Variants in FAXDC2 observed in about 807,000 individuals in gnomAD.
FAXDC2 encodes fatty acid hydroxylase domain-containing protein 2.
FAXDC2 carries 41 observed loss-of-function variants against 40.9 expected under a neutral mutation model. The observed-to-expected ratio is 1.00, with a 90% CI of 0.78 to 1.30. FAXDC2 has a LOEUF of 1.30. Ranked by LOEUF, FAXDC2 falls within the 50% of genes most tolerant of loss-of-function variation. The pLI is 0.00. For missense variants in FAXDC2, 390 were observed against 408.8 expected (o/e 0.95, Z 0.40); for synonymous variants, 157 against 149.3 (o/e 1.05, Z -0.38).
intron 1 of FAXDC2, among the ~76,000 whole-genome samples, chr5:154,847,325 A>G (rs1222416098): frequency 6.6e-6 from 1 of 152,148 alleles, no homozygotes; most frequent in Non-Finnish European, 1.5e-5. Flanking sequence ...CCCAATCTAG[A>G]TAAATGACAC....
rs866360288 is a variant in FAXDC2 at position 154,823,497 on chromosome 5, G to A, written c.462C>T (p.Leu154=). 13 of 1,614,054 alleles carry A rather than the reference G, an allele frequency of 8.1e-6. No homozygotes were observed. The highest frequency in any genetic ancestry group is 9.3e-6 in the Non-Finnish European group (11 of 1,180,006). The change falls in exon 6 of 9, where the codon CTC becomes CTT. Residue 154 remains leucine, a synonymous_variant. Transcript: ENST00000326080. ...FPMVVFLYPF[L]KWWRDPCRRE... ...GGCGGCAGGGGTCTCTCCACCATTT[G>A]AGGAAGGGATAGAGGAAGACCACCA...
At chr5:154,824,902 A>G (rs1034037326) in intron 5 of FAXDC2, among the ~76,000 whole-genome samples, 1 of 151,772 alleles carries the variant, frequency 6.6e-6, no homozygotes, top group Admixed American at 6.6e-5. Flanking sequence ...CAGCCTTGGC[A>G]ACATCACGAA....
rs773140587 is a variant in FAXDC2, at chr5:154,820,358, C to T, written c.960G>A (p.Pro320=). Residue 320 remains proline, a synonymous_variant, in exon 9 of 9, where the codon CCG becomes CCA. Coordinates refer to ENST00000326080, the MANE Select transcript of FAXDC2 (RefSeq NM_032385.5). ...ERHVLLLGFT[P]LSESIPDSPK... is the part of the protein sequence containing the mutation. ...GGGAGTCTGGGATGCTCTCAGAGAG[C>T]GGGGTGAAGCCCAGCAGGAGGACAT... The T allele has an allele frequency of 1.1e-5, 17 of 1,613,028 alleles. No individual in the cohort carries two copies. Among genetic ancestry groups the T allele is most frequent in the Middle Eastern group, 1.7e-4 (1 of 6,058 alleles).
intron 5 of FAXDC2, among the ~76,000 whole-genome samples, chr5:154,828,499 T>C (rs998712780): frequency 3.9e-5 from 6 of 151,924 alleles, no homozygotes; most frequent in Non-Finnish European, 8.8e-5. Context: ...AGTTCACCTG[T>C]GGTGTCAGGT....
At chr5:154,827,927 G>C (rs1760084094) in intron 5 of FAXDC2, among the ~76,000 whole-genome samples, 1 of 151,422 alleles carries the variant, frequency 6.6e-6, no homozygotes, top group South Asian at 2.1e-4. Context: ...ATAGCTCACT[G>C]TAACCTCGAC....
At position 154,822,467 on chromosome 5, in the gene FAXDC2, C is replaced by T. The variant is rs775044293; in HGVS notation, c.678+5G>A. 7.5e-6 allele frequency: 12 copies of T among 1,599,932 alleles called. 2 individuals carry two copies. The South Asian group carries it at 1.2e-4, about 16-fold the overall frequency. ...TTGCTCTGGGGAGCATAGAGCTCTACTCACTGCATGCTCTATAGGGTGGGC... is the reference window on the plus strand; with the variant it reads ...TTGCTCTGGGGAGCATAGAGCTCTATTCACTGCATGCTCTATAGGGTGGGC... On this transcript the variant is annotated splice_donor_5th_base_variant and intron_variant, in intron 7 of 8. Transcript: ENST00000326080.
chr5:154,848,096 C>A (rs572622267), intron 1 of FAXDC2, among the ~76,000 whole-genome samples: 17 of 152,352 alleles, frequency 1.1e-4, no homozygotes, highest in Middle Eastern at 6.8e-3. Context: ...GCCTCGGCCT[C>A]CCAATGTGCT....
At chr5:154,838,849 G>C (rs184513257) in intron 1 of FAXDC2, 1 of 152,120 alleles carries the variant, frequency 6.6e-6, no homozygotes, top group Non-Finnish European at 1.5e-5. Flanking sequence ...CGCCAGCCTC[G>C]GCCTCCCAAA....
Position 154,821,251 on chromosome 5 carries a change from G to A in FAXDC2, c.845+9C>T, listed in dbSNP as rs770270682. 6.2e-7 allele frequency: 1 copy of A among 1,610,018 alleles called. No homozygotes were observed. On this transcript the variant is annotated intron_variant, in intron 8 of 8. Transcript: ENST00000326080. ...GCCTAGGGACCCATTGTGGGGAGAA[G>A]GTCCTTACTTGAGATGGTGGTAGTC...
chr5:154,824,515 C>T, intron 5 of FAXDC2: 1 of 702,572 alleles, frequency 1.4e-6, no homozygotes, highest in Non-Finnish European at 2.6e-6. Flanking sequence ...AGAATTCACT[C>T]TTTGTTTACT....
At chr5:154,834,788 T>TAGG in intron 3 of FAXDC2, 55 bp downstream of exon 3, 1 of 1,591,284 alleles carries the variant, frequency 6.3e-7, no homozygotes, top group South Asian at 1.1e-5. Context: ...CCTTCCCCTA[T>TAGG]GCTCTGCCCC....
intron 1 of FAXDC2, 154 bp from the exon 2 acceptor site, chr5:154,838,332 T>A (rs1760403386): frequency 5.6e-6 from 1 of 178,278 alleles, no homozygotes; most frequent in Non-Finnish European, 1.1e-5. Flanking sequence ...CAAATTGATT[T>A]GAAAACTTAA....
In FAXDC2 at chr5:154,820,342, G is replaced by C. The variant is rs2113114845; in HGVS notation, c.976C>G (p.Pro326Ala). Residue 326 changes from proline to alanine, a missense_variant, in exon 9 of 9, where the codon CCA (proline) becomes GCA (alanine). Transcript: ENST00000326080. ...LGFTPLSESIPDSPKRME is the reference protein window; with the variant it reads ...LGFTPLSESIADSPKRME Reference sequence around the variant, plus strand: ...CACTCCATCCTCTTTGGGGAGTCTGGGATGCTCTCAGAGAGCGGGGTGAAG... The same window carrying C: ...CACTCCATCCTCTTTGGGGAGTCTGCGATGCTCTCAGAGAGCGGGGTGAAG... 1 of 1,612,454 alleles carries C rather than the reference G, an allele frequency of 6.2e-7. No individual in the cohort carries two copies. Among genetic ancestry groups the C allele is most frequent in the East Asian group, 2.2e-5 (1 of 44,784 alleles).
intron 1 of FAXDC2, among the ~76,000 whole-genome samples, chr5:154,840,800 C>T (rs983919522): frequency 6.6e-6 from 1 of 152,202 alleles, no homozygotes; most frequent in Non-Finnish European, 1.5e-5. Context: ...ATCCTCCCGC[C>T]TCGGCCTCCC....
chr5:154,824,797 A>G, intron 5 of FAXDC2: 1 of 481,202 alleles, frequency 2.1e-6, no homozygotes, highest in Non-Finnish European at 3.7e-6. Context: ...ATATAAAAAC[A>G]TATATATCAG....
intron 4 of FAXDC2, 46 bp downstream of exon 4, chr5:154,834,579 T>A: frequency 7.8e-7 from 1 of 1,280,794 alleles, no homozygotes; most frequent in South Asian, 1.2e-5. Context: ...AATTAAGTTA[T>A]AATCATGCAC....
intron 2 of FAXDC2, among the ~76,000 whole-genome samples, chr5:154,835,792 A>G (rs1213097969): frequency 1.3e-5 from 2 of 150,308 alleles, no homozygotes; most frequent in Non-Finnish European, 3.0e-5. Context: ...TGTGTTAGCC[A>G]GGATGGTCTC....
chr5:154,842,137 C>A (rs745808083), intron 1 of FAXDC2, among the ~76,000 whole-genome samples: 1 of 152,056 alleles, frequency 6.6e-6, no homozygotes, highest in Non-Finnish European at 1.5e-5. Flanking sequence ...ACTTTTAGGG[C>A]TAAACCTATC....
At chr5:154,827,369 AG>A (rs1233115678) in intron 5 of FAXDC2, among the ~76,000 whole-genome samples, 2 of 151,592 alleles carry the variant, frequency 1.3e-5, no homozygotes, top group African/African-American at 4.8e-5. Context: ...GAAACTATAA[AG>A]ATAACTCTCT....
Sources: gnomAD v4.1 joint callset for allele counts (sites outside exome capture counted in the v4.1 genomes callset) on GRCh38, gnomAD v4.1.1 for gene constraint, MANE v1.5 for transcripts, NCBI Gene and HGNC (gene_info 2026-07-23, HGNC 2026-07-21) for gene names.